ZNF385D: variants seen among roughly 807,000 people sequenced by gnomAD.
The protein encoded by ZNF385D is zinc finger protein 659.
In ZNF385D, 15 loss-of-function variants were observed where a neutral mutation model predicts 35.8. That is an observed-to-expected ratio of 0.42 (90% CI 0.28 to 0.64). The LOEUF (loss-of-function observed/expected upper bound fraction) is 0.64, where lower values mean the gene tolerates loss of function less well. ZNF385D is among the 30% of genes least tolerant of loss of function. The pLI is 0.23. For missense variants in ZNF385D, 474 were observed against 494.6 expected (o/e 0.96, Z 0.39); for synonymous variants, 212 against 186.8 (o/e 1.13, Z -1.10).
chr3:22,205,781 T>A (rs1468912236), intron 2 of ZNF385D, among the ~76,000 whole-genome samples: 2 of 151,030 alleles, frequency 1.3e-5, no homozygotes, highest in Non-Finnish European at 3.0e-5. Flanking sequence ...AACCAAAAAA[T>A]TAAAACATAG....
At chr3:21,612,463 T>A (rs1226354021) in intron 2 of ZNF385D, among the ~76,000 whole-genome samples, 1 of 152,072 alleles carries the variant, frequency 6.6e-6, no homozygotes, top group African/African-American at 2.4e-5. Context: ...TATAATTTGT[T>A]CAATGTAGAA....
In ZNF385D at chr3:22,090,892, AG is replaced by A. The variant is rs1182956385; in HGVS notation, c.325+77924del. Reference sequence around the variant, plus strand: ...CCTCACCTGTTGGAGATGCCTTGTTAGGGTCTTATGACCCAAACTAACTAGT... The same window carrying A: ...CCTCACCTGTTGGAGATGCCTTGTTAGGTCTTATGACCCAAACTAACTAGT... On this transcript the variant is annotated intron_variant, in intron 3 of 5. Coordinates refer to the ZNF385D transcript ENST00000494108. 4.6e-5 allele frequency among the ~76,000 whole-genome samples: 7 copies of A among 152,308 alleles called. No individual in the cohort carries two copies. In the East Asian group the frequency reaches 7.7e-4, roughly 17 times the overall value.
chr3:21,712,768 T>A (rs2068162560), intron 1 of ZNF385D, among the ~76,000 whole-genome samples: 1 of 152,210 alleles, frequency 6.6e-6, no homozygotes, highest in South Asian at 2.1e-4. Context: ...TTATCTACTC[T>A]GAGCAAATAC....
intron 2 of ZNF385D, among the ~76,000 whole-genome samples, chr3:21,603,922 G>T (rs1384195482): frequency 1.3e-5 from 2 of 152,130 alleles, no homozygotes; most frequent in Non-Finnish European, 2.9e-5. Context: ...AATGAAATAG[G>T]AGTAGAAGTA....
At chr3:22,126,271 GGATTTAA>G (rs1435461607) in intron 3 of ZNF385D, among the ~76,000 whole-genome samples, 1 of 149,022 alleles carries the variant, frequency 6.7e-6, no homozygotes, top group Non-Finnish European at 1.5e-5. Flanking sequence ...CCACATTGTG[GGATTTAA>G]GATGCATCAT....
chr3:22,338,467 G>T (rs1695271358), intron 2 of ZNF385D, among the ~76,000 whole-genome samples: 1 of 151,184 alleles, frequency 6.6e-6, no homozygotes, highest in Non-Finnish European at 1.5e-5. Flanking sequence ...AAAGAGGTGA[G>T]TAAAGTCAGA....
chr3:21,826,748 G>T (rs564521695), intron 3 of ZNF385D, among the ~76,000 whole-genome samples: 5 of 150,868 alleles, frequency 3.3e-5, no homozygotes, highest in African/African-American at 4.9e-5. Flanking sequence ...GACAGCAGAA[G>T]GAAAGCTAGA....
At chr3:21,665,206 G>A (rs2066368816) in intron 1 of ZNF385D, among the ~76,000 whole-genome samples, 178 bp from the exon 2 acceptor site, 2 of 152,200 alleles carry the variant, frequency 1.3e-5, no homozygotes, top group African/African-American at 4.8e-5. Context: ...GGCAGAGGGA[G>A]CTAGTTGAAC....
intron 3 of ZNF385D, among the ~76,000 whole-genome samples, chr3:22,090,019 T>C (rs1190259476): frequency 2.6e-5 from 4 of 152,064 alleles, no homozygotes; most frequent in African/African-American, 9.7e-5. Flanking sequence ...TTTTGCATTT[T>C]AGTAGAGACA....
chr3:22,111,587 T>A (rs1702539757), intron 3 of ZNF385D, among the ~76,000 whole-genome samples: 1 of 152,144 alleles, frequency 6.6e-6, no homozygotes, highest in African/African-American at 2.4e-5. Flanking sequence ...CTTGGCATTT[T>A]GTTCAACCAT....
chr3:21,499,016 A>T (rs1437170092), intron 4 of ZNF385D, among the ~76,000 whole-genome samples: 3 of 151,736 alleles, frequency 2.0e-5, no homozygotes, highest in Non-Finnish European at 4.4e-5. Flanking sequence ...AAAAACACTT[A>T]TATACTGTTG....
intron 2 of ZNF385D, among the ~76,000 whole-genome samples, chr3:21,638,601 T>A (rs1312222739): frequency 6.6e-6 from 1 of 152,120 alleles, no homozygotes; most frequent in Non-Finnish European, 1.5e-5. Context: ...ATCTCTGACC[T>A]AGAATCTCAT....
intron 3 of ZNF385D, among the ~76,000 whole-genome samples, chr3:22,137,901 G>C (rs1250614221): frequency 7.9e-5 from 12 of 152,054 alleles, no homozygotes; most frequent in Admixed American, 1.3e-4. Context: ...CAGATGACAT[G>C]ATTGTATATC....
chr3:21,683,506 T>C (rs1472207949), intron 1 of ZNF385D, among the ~76,000 whole-genome samples: 1 of 149,386 alleles, frequency 6.7e-6, no homozygotes, highest in Non-Finnish European at 1.5e-5. Flanking sequence ...TAGTCCCAGC[T>C]ACTCGAAGGC....
intron 2 of ZNF385D, among the ~76,000 whole-genome samples, chr3:22,292,329 T>G (rs990276170): frequency 2.6e-5 from 4 of 152,090 alleles, no homozygotes; most frequent in African/African-American, 9.7e-5. Context: ...CATTATATTT[T>G]TATCTCGTTT....
At chr3:21,930,055 T>G (rs967666028) in intron 3 of ZNF385D, among the ~76,000 whole-genome samples, 6 of 152,026 alleles carry the variant, frequency 3.9e-5, no homozygotes, top group Non-Finnish European at 5.9e-5. Context: ...GCTACAAAGC[T>G]ACAATAATCA....
intron 4 of ZNF385D, among the ~76,000 whole-genome samples, chr3:21,481,896 G>T (rs1320900446): frequency 6.6e-6 from 1 of 152,038 alleles, no homozygotes; most frequent in African/African-American, 2.4e-5. Context: ...CATAATCCCT[G>T]TTCCAAATAG....
intron 2 of ZNF385D, among the ~76,000 whole-genome samples, chr3:22,331,476 G>A (rs1351083608): frequency 6.6e-6 from 1 of 152,032 alleles, no homozygotes; most frequent in Admixed American, 6.5e-5. Flanking sequence ...TAACATTAAT[G>A]AAAACTTAAT....
chr3:21,760,938 T>C (rs1465346185), intron 3 of ZNF385D, among the ~76,000 whole-genome samples: 1 of 152,220 alleles, frequency 6.6e-6, no homozygotes, highest in Non-Finnish European at 1.5e-5. Context: ...CTGATCCGTG[T>C]AAACAGTAGA....
Sources: allele counts gnomAD v4.1 joint callset (sites outside exome capture counted in the v4.1 genomes callset), GRCh38; gene constraint gnomAD v4.1.1; transcripts MANE v1.5; gene names NCBI Gene and HGNC (gene_info 2026-07-23, HGNC 2026-07-21).